The following COG7 variants were observed in gnomAD, a reference collection of about 807,000 sequenced individuals.
The protein encoded by COG7 is component of oligomeric golgi complex 7.
COG7 carries 49 observed loss-of-function variants against 91.5 expected under a neutral mutation model. That is an observed-to-expected ratio of 0.54 (90% CI 0.43 to 0.68). COG7 has a LOEUF of 0.68. Among genes scored for constraint, COG7 ranks in the 30% least tolerant of loss-of-function variants. The pLI is 0.00. For synonymous variants in COG7, 365 were observed against 388.7 expected (o/e 0.94, Z 0.72); for missense variants, 895 against 961.3 (o/e 0.93, Z 0.91).
intron 6 of COG7, among the ~76,000 whole-genome samples, chr16:23,426,885 G>A (rs369295943): frequency 4.0e-5 from 6 of 150,670 alleles, no homozygotes; most frequent in African/African-American, 1.2e-4. Flanking sequence ...GAAAACAAGA[G>A]TTATCTCTGT....
intron 1 of COG7, among the ~76,000 whole-genome samples, chr16:23,450,989 T>A (rs1247700407): frequency 6.6e-6 from 1 of 150,504 alleles, no homozygotes; most frequent in African/African-American, 2.4e-5. Flanking sequence ...AGGTCAGGAG[T>A]TCAAGATCAG....
intron 16 of COG7, among the ~76,000 whole-genome samples, chr16:23,391,270 C>G (rs1435996006): frequency 6.6e-6 from 1 of 152,184 alleles, no homozygotes; most frequent in Non-Finnish European, 1.5e-5. Flanking sequence ...ACAACTGAAA[C>G]TGAGGGGCAA....
At chr16:23,410,270 G>A (rs781336646) in intron 11 of COG7, 25 bp downstream of exon 11, 1 of 1,606,732 alleles carries the variant, frequency 6.2e-7, no homozygotes, top group South Asian at 1.1e-5. Flanking sequence ...CCAGGGTGTA[G>A]AGGACAATGA....
At chr16:23,429,836 T>C (rs1963906350) in intron 6 of COG7, among the ~76,000 whole-genome samples, 1 of 151,904 alleles carries the variant, frequency 6.6e-6, no homozygotes, top group African/African-American at 2.4e-5. Flanking sequence ...AGGAACAAAC[T>C]AGTGATACAA....
intron 10 of COG7, 39 bp from the exon 11 acceptor site, chr16:23,410,399 G>T: frequency 6.5e-7 from 1 of 1,527,416 alleles, no homozygotes; most frequent in South Asian, 1.1e-5. Context: ...CAAGTATCTG[G>T]AATGCCAGCC....
At chr16:23,426,759 T>C (rs1405314255) in intron 6 of COG7, among the ~76,000 whole-genome samples, 1 of 144,106 alleles carries the variant, frequency 6.9e-6, no homozygotes. Context: ...AAGATAAGGA[T>C]GCCTGCTTTT....
intron 3 of COG7, among the ~76,000 whole-genome samples, 182 bp from the exon 4 acceptor site, chr16:23,442,827 G>C (rs1467452374): frequency 2.6e-5 from 4 of 152,092 alleles, no homozygotes; most frequent in Middle Eastern, 3.2e-3. Context: ...CTTGAAGCCA[G>C]GAGTTCAAGA....
At chr16:23,406,923 T>A (rs1963472408) in intron 11 of COG7, among the ~76,000 whole-genome samples, 2 of 152,122 alleles carry the variant, frequency 1.3e-5, no homozygotes, top group African/African-American at 4.8e-5. Flanking sequence ...GCTGGGGAAG[T>A]GGAATCTTGA....
intron 2 of COG7, 39 bp from the exon 3 acceptor site, chr16:23,445,203 T>A (rs1273649220): frequency 1.5e-6 from 2 of 1,374,780 alleles, no homozygotes; most frequent in Non-Finnish European, 2.1e-6. Context: ...AAGGGGTAGG[T>A]CCTTTTTCTC....
In COG7 at chr16:23,443,097, T is replaced by C. The variant is rs569249397; in HGVS notation, c.436-452A>G. On this transcript the variant is annotated intron_variant, in intron 3 of 16. Coordinates refer to ENST00000307149, the MANE Select transcript of COG7 (RefSeq NM_153603.4). Reference sequence around the variant, plus strand: ...ATTAAATTAAAACAATAAAGTGTCATTTTCCTCCTAACAAATTGGAAAAGT... The same window carrying C: ...ATTAAATTAAAACAATAAAGTGTCACTTTCCTCCTAACAAATTGGAAAAGT... Among the ~76,000 whole-genome samples, 12 of 152,186 alleles carry C rather than the reference T, an allele frequency of 7.9e-5. 1 individual carries two copies. Among genetic ancestry groups the C allele is most frequent in the African/African-American group, 2.9e-4 (12 of 41,524 alleles).
intron 16 of COG7, among the ~76,000 whole-genome samples, chr16:23,389,683 C>T (rs1306087649): frequency 3.3e-5 from 5 of 152,202 alleles, no homozygotes; most frequent in Admixed American, 2.6e-4. Context: ...AGGACAGTGT[C>T]TGGGGTGGGA....
At chr16:23,408,978 G>A (rs567550230) in intron 11 of COG7, among the ~76,000 whole-genome samples, 12 of 151,936 alleles carry the variant, frequency 7.9e-5, no homozygotes, top group Non-Finnish European at 1.3e-4. Flanking sequence ...GCTCCTGAAA[G>A]AGATGATGTC....
chr16:23,436,506 G>A (rs982683211), intron 4 of COG7, among the ~76,000 whole-genome samples: 3 of 152,078 alleles, frequency 2.0e-5, no homozygotes, highest in Non-Finnish European at 2.9e-5. Context: ...GGCTGAAGTG[G>A]GTGGATCATC....
chr16:23,452,733 C>T, intron 1 of COG7, 93 bp downstream of exon 1: 1 of 1,517,538 alleles, frequency 6.6e-7, no homozygotes, highest in Non-Finnish European at 8.8e-7. Flanking sequence ...TCCATGCGTG[C>T]CCCGCCCACC....
At chr16:23,410,474 G>T in intron 10 of COG7, 114 bp from the exon 11 acceptor site, 1 of 876,648 alleles carries the variant, frequency 1.1e-6, no homozygotes, top group Non-Finnish European at 1.9e-6. Flanking sequence ...GGTAGTTCTG[G>T]TTCTGGGAAA....
chr16:23,395,392 T>C (rs956830665), intron 14 of COG7, among the ~76,000 whole-genome samples: 2 of 152,214 alleles, frequency 1.3e-5, no homozygotes, highest in Non-Finnish European at 2.9e-5. Flanking sequence ...ACCCCAGACA[T>C]ACTCCTATAT....
chr16:23,396,976 C>A (rs567947087), intron 14 of COG7, among the ~76,000 whole-genome samples: 86 of 152,196 alleles, frequency 5.7e-4, no homozygotes, highest in Middle Eastern at 3.4e-3. Flanking sequence ...GTGGTGCAAT[C>A]ACAGCTCACT....
At chr16:23,392,602 T>C in intron 15 of COG7, 79 bp from the exon 16 acceptor site, 2 of 1,557,076 alleles carry the variant, frequency 1.3e-6, no homozygotes, top group Non-Finnish European at 1.8e-6. Flanking sequence ...AGGAAGCTTC[T>C]GATCTCAATG....
chr16:23,442,772 A>G (rs1428341306), intron 3 of COG7, 127 bp from the exon 4 acceptor site: 4 of 841,216 alleles, frequency 4.8e-6, no homozygotes, highest in Non-Finnish European at 8.0e-6. Flanking sequence ...GTGGTGGTTC[A>G]TGCCTGTAAT....
Sources: allele counts gnomAD v4.1 joint callset (sites outside exome capture counted in the v4.1 genomes callset), GRCh38; gene constraint gnomAD v4.1.1; transcripts MANE v1.5; gene names NCBI Gene and HGNC (gene_info 2026-07-23, HGNC 2026-07-21).